Variants in GMDS observed in about 807,000 individuals in gnomAD.
GMDS encodes GDP-mannose 4,6-dehydratase.
A neutral mutation model predicts 49.9 loss-of-function variants in GMDS; 20 were observed. The ratio of observed to expected loss-of-function variants is 0.40; its 90% confidence interval spans 0.28 to 0.58. The LOEUF (loss-of-function observed/expected upper bound fraction) is 0.58. Ranked by LOEUF, GMDS falls within the 20% of genes least tolerant of loss-of-function variation. The probability of loss-of-function intolerance (pLI) is 0.42; values close to 1 mark genes in which losing one functional copy is unlikely to be tolerated. For missense variants in GMDS, 362 were observed against 481.4 expected (o/e 0.75, Z 2.32); for synonymous variants, 177 against 178.6 (o/e 0.99, Z 0.07).
chr6:1,681,031 C>T lies in GMDS; in HGVS notation c.987+45385G>A, dbSNP rs540700283. Among the ~76,000 whole-genome samples, 6 of 152,284 alleles carry T rather than the reference C, an allele frequency of 3.9e-5. No homozygotes were observed. The South Asian group carries it at 1.2e-3, about 32-fold the overall frequency. On this transcript the variant is annotated intron_variant, in intron 9 of 10. Coordinates refer to ENST00000380815, the MANE Select transcript of GMDS (RefSeq NM_001500.4). Reference sequence around the variant, plus strand: ...AAAAGAAAGAAGTAACACAAATATACTCTCACATACATCGAATATACATAC... The same window carrying T: ...AAAAGAAAGAAGTAACACAAATATATTCTCACATACATCGAATATACATAC...
intron 8 of GMDS, among the ~76,000 whole-genome samples, chr6:1,728,056 G>A (rs1262611243): frequency 6.6e-6 from 1 of 152,200 alleles, no homozygotes; most frequent in East Asian, 1.9e-4. Context: ...TCAGAGCTAA[G>A]TTTTTGGAAA....
chr6:2,021,057 G>A (rs887370149), intron 4 of GMDS, among the ~76,000 whole-genome samples: 12 of 152,176 alleles, frequency 7.9e-5, no homozygotes, highest in Admixed American at 7.9e-4. Flanking sequence ...TGCTTCTCCT[G>A]CATTTGGCTT....
At chr6:2,054,440 T>A (rs1770663782) in intron 4 of GMDS, among the ~76,000 whole-genome samples, 1 of 152,092 alleles carries the variant, frequency 6.6e-6, no homozygotes, top group African/African-American at 2.4e-5. Context: ...ATTTCCTAAT[T>A]TTTATGAATT....
At chr6:1,839,301 T>C (rs1275994701) in intron 7 of GMDS, among the ~76,000 whole-genome samples, 3 of 152,204 alleles carry the variant, frequency 2.0e-5, no homozygotes, top group Admixed American at 2.0e-4. Context: ...GACTTAACTT[T>C]CTTTAGTATG....
At chr6:2,098,019 A>G (rs1360903271) in intron 4 of GMDS, among the ~76,000 whole-genome samples, 2 of 152,054 alleles carry the variant, frequency 1.3e-5, no homozygotes, top group Non-Finnish European at 2.9e-5. Context: ...GAAAAAAAAA[A>G]AAACTAAACT....
intron 6 of GMDS, among the ~76,000 whole-genome samples, chr6:1,939,881 C>A (rs1049627636): frequency 2.0e-5 from 3 of 152,156 alleles, no homozygotes; most frequent in Non-Finnish European, 4.4e-5. Flanking sequence ...CAAAATGCAA[C>A]CTTGGGCGCC....
At position 1,897,484 on chromosome 6, in the gene GMDS, G is replaced by C. The variant is rs555434544; in HGVS notation, c.771+32619C>G. ...GAAAGGGAGCTTAATGTGGGGTTGA[G>C]AGCATGGTTAAATTGCGTGGAGTCC... On this transcript the variant is annotated intron_variant, in intron 7 of 10. Transcript: ENST00000380815. Among the ~76,000 whole-genome samples the C allele has an allele frequency of 3.9e-5, 6 of 152,284 alleles. No homozygotes were observed. In the South Asian group the frequency reaches 1.2e-3, roughly 32 times the overall value.
At chr6:2,074,022 A>C (rs1348821552) in intron 4 of GMDS, among the ~76,000 whole-genome samples, 1 of 152,126 alleles carries the variant, frequency 6.6e-6, no homozygotes, top group Non-Finnish European at 1.5e-5. Flanking sequence ...TTTCCTTTGG[A>C]TAGATGCCCA....
chr6:2,169,313 A>G (rs995401439), intron 1 of GMDS, among the ~76,000 whole-genome samples: 5 of 152,220 alleles, frequency 3.3e-5, no homozygotes, highest in African/African-American at 1.2e-4. Context: ...AGTTCCTTCA[A>G]CAACACTACA....
At chr6:2,099,573 G>C (rs1207645353) in intron 4 of GMDS, among the ~76,000 whole-genome samples, 1 of 151,968 alleles carries the variant, frequency 6.6e-6, no homozygotes, top group Non-Finnish European at 1.5e-5. Flanking sequence ...TCTTCATTCA[G>C]ATTTCTATTT....
At chr6:1,648,145 T>C (rs1763543232) in intron 9 of GMDS, among the ~76,000 whole-genome samples, 1 of 152,196 alleles carries the variant, frequency 6.6e-6, no homozygotes, top group South Asian at 2.1e-4. Context: ...CCTGATTAGA[T>C]GGAATAGGCC....
At chr6:1,683,963 C>G (rs377286021) in intron 9 of GMDS, among the ~76,000 whole-genome samples, 2 of 63,446 alleles carry the variant, frequency 3.2e-5, no homozygotes, top group African/African-American at 9.8e-5. Context: ...TGGGGTTTGC[C>G]ATCGGTAGGC....
chr6:1,891,637 C>T (rs763984928), intron 7 of GMDS, among the ~76,000 whole-genome samples: 60 of 152,278 alleles, frequency 3.9e-4, no homozygotes, highest in Admixed American at 9.2e-4. Flanking sequence ...GAGGACGAAC[C>T]GCTAGGGCAG....
chr6:1,788,128 A>G (rs1364969702), intron 7 of GMDS, among the ~76,000 whole-genome samples: 1 of 152,204 alleles, frequency 6.6e-6, no homozygotes, highest in Non-Finnish European at 1.5e-5. Context: ...AGCCAGAAAC[A>G]GGCACAGAGA....
Position 2,245,324 on chromosome 6 carries a change from G to A in GMDS, c.99C>T (p.Gly33=). Reference sequence around the variant, plus strand: ...GCGCCCCCGCCCCCGCACTCACCTGGCCTGTGATACCGGTGATGAGCGCCA... The same window carrying A: ...GCGCCCCCGCCCCCGCACTCACCTGACCTGTGATACCGGTGATGAGCGCCA... ...RNVALITGIT[G]QDGSYLAEFL... The change falls in exon 1 of 11, where the codon GGC becomes GGT. Residue 33 remains glycine (G), a synonymous_variant. Transcript: ENST00000380815. 1.9e-6 allele frequency: 3 copies of A among 1,541,294 alleles called. No individual in the cohort carries two copies. Among genetic ancestry groups the A allele is most frequent in the South Asian group, 2.4e-5 (2 of 84,730 alleles).
intron 4 of GMDS, among the ~76,000 whole-genome samples, chr6:2,079,323 T>C (rs938729011): frequency 6.6e-6 from 1 of 152,048 alleles, no homozygotes; most frequent in Non-Finnish European, 1.5e-5. Flanking sequence ...TTGTTATTGT[T>C]TTCTGGTTTT....
chr6:2,091,086 GA>G (rs1218766300), intron 4 of GMDS, among the ~76,000 whole-genome samples: 1 of 152,144 alleles, frequency 6.6e-6, no homozygotes, highest in East Asian at 1.9e-4. Flanking sequence ...TTATAGTATG[GA>G]AGACTTCATA....
In GMDS at chr6:1,713,618, A is replaced by G. The variant is rs138957080; in HGVS notation, c.987+12798T>C. Among the ~76,000 whole-genome samples, 196 of 152,356 alleles carry G rather than the reference A, an allele frequency of 1.3e-3. 1 individual carries two copies. The highest frequency in any genetic ancestry group is 0.01 in the Middle Eastern group (3 of 294). ...TTGGATCAATGGGACACACACACAC[A>G]CACACATACACGTACGTGTGTTTGT... On this transcript the variant is annotated intron_variant, in intron 9 of 10. Coordinates refer to ENST00000380815, the MANE Select transcript of GMDS (RefSeq NM_001500.4).
intron 9 of GMDS, among the ~76,000 whole-genome samples, chr6:1,717,050 C>T (rs1306065419): frequency 6.6e-6 from 1 of 152,172 alleles, no homozygotes; most frequent in African/African-American, 2.4e-5. Flanking sequence ...AGCCCAGCAC[C>T]GGTTCCAAGT....
Sources: gnomAD v4.1 joint callset for allele counts (sites outside exome capture counted in the v4.1 genomes callset) on GRCh38, gnomAD v4.1.1 for gene constraint, MANE v1.5 for transcripts, NCBI Gene and HGNC (gene_info 2026-07-23, HGNC 2026-07-21) for gene names.